Variants in KIF5C observed in about 807,000 individuals in gnomAD.
KIF5C encodes kinesin heavy chain isoform 5C.
A neutral mutation model predicts 125.2 loss-of-function variants in KIF5C; 18 were observed. That is an observed-to-expected ratio of 0.14 (90% CI 0.10 to 0.21). The LOEUF is 0.21. KIF5C is among the 10% of genes least tolerant of loss of function. The pLI is 1.00. For missense variants in KIF5C, 780 were observed against 1,183.8 expected (o/e 0.66, Z 5.01); for synonymous variants, 405 against 434.0 (o/e 0.93, Z 0.83).
chr2:148,981,075 TTTGAG>T (rs1271536917), intron 13 of KIF5C, among the ~76,000 whole-genome samples: 6 of 152,192 alleles, frequency 3.9e-5, no homozygotes, highest in Admixed American at 3.3e-4. Context: ...TAATTCTTTC[TTTGAG>T]TTAAGGGTAT....
chr2:148,891,778 A>T (rs889766164), intron 1 of KIF5C, among the ~76,000 whole-genome samples: 1 of 151,854 alleles, frequency 6.6e-6, no homozygotes, highest in Non-Finnish European at 1.5e-5. Flanking sequence ...GCTCACTGCA[A>T]CCTCCACCTC....
intron 25 of KIF5C, among the ~76,000 whole-genome samples, chr2:149,021,528 C>T (rs1287239963): frequency 6.6e-6 from 1 of 151,814 alleles, no homozygotes; most frequent in African/African-American, 2.4e-5. Context: ...AACTTACATC[C>T]TGCTGATTTA....
In KIF5C at chr2:149,024,897, C is replaced by G. The variant is rs1181689143; in HGVS notation, c.*1827C>G. On this transcript the variant is annotated 3_prime_UTR_variant, in exon 26 of 26. Coordinates refer to ENST00000435030, the MANE Select transcript of KIF5C (RefSeq NM_004522.3). ...TTTTGCAAAGCTTATCAGGTAATAA[C>G]ATATGCCACATAACCTTGTTGATAT... 1.3e-5 allele frequency: 2 copies of G among 152,432 alleles called. No individual in the cohort carries two copies. The highest frequency in any genetic ancestry group is 4.8e-5 in the African/African-American group (2 of 41,410). The allele number at this position is 152,432 out of a possible 1,614,324, so 9.4% of individuals were successfully genotyped here.
chr2:148,980,161 C>T (rs1051360343), intron 13 of KIF5C, among the ~76,000 whole-genome samples: 10 of 152,288 alleles, frequency 6.6e-5, no homozygotes, highest in African/African-American at 2.4e-4. Context: ...ATTACCTCCC[C>T]TGCCCAAACA....
chr2:148,987,680 C>T (rs576165266), intron 15 of KIF5C, among the ~76,000 whole-genome samples: 17 of 151,976 alleles, frequency 1.1e-4, no homozygotes, highest in East Asian at 7.7e-4. Flanking sequence ...TTCAGTCATT[C>T]GGGGGGTTAG....
intron 25 of KIF5C, among the ~76,000 whole-genome samples, chr2:149,013,304 C>T (rs1370267701): frequency 6.6e-6 from 1 of 152,164 alleles, no homozygotes; most frequent in African/African-American, 2.4e-5. Context: ...CAGTTTCAGC[C>T]ATCATGCCTA....
At chr2:148,991,830 C>T (rs568254537) in intron 16 of KIF5C, among the ~76,000 whole-genome samples, 8 of 152,132 alleles carry the variant, frequency 5.3e-5, no homozygotes, top group Non-Finnish European at 1.0e-4. Context: ...TTTTCAAGCC[C>T]GAGGGTACAT....
chr2:149,000,121 CTG>C (rs1317203707), intron 19 of KIF5C: 1 of 270,948 alleles, frequency 3.7e-6, no homozygotes, highest in Non-Finnish European at 6.8e-6. Context: ...CATGGGCTCT[CTG>C]TTTTAAAATA....
chr2:148,946,544 G>A (rs111757663), intron 7 of KIF5C, among the ~76,000 whole-genome samples: 190 of 152,264 alleles, frequency 1.2e-3, no homozygotes, highest in African/African-American at 4.2e-3. Flanking sequence ...GAAGTCTGAG[G>A]AATTTAAAGT....
In KIF5C at chr2:148,981,225, C is replaced by T. The variant is rs35917197; in HGVS notation, c.1363-130C>T. 27,448 of 1,340,388 alleles carry T rather than the reference C, an allele frequency of 0.02. 335 individuals are homozygous for T. Among genetic ancestry groups the T allele is most frequent in the Non-Finnish European group, 0.024 (24,319 of 1,012,350 alleles). 83.0% of individuals were successfully genotyped at this position (1,340,388 alleles called of 1,614,324 possible). A position where few individuals can be genotyped will look rare whatever the true frequency, so the allele number is the denominator to read the frequency against. On this transcript the variant is annotated intron_variant, in intron 13 of 25. Coordinates refer to ENST00000435030, the MANE Select transcript of KIF5C (RefSeq NM_004522.3). The stretch of plus-strand genomic sequence containing the variant: ...TCGTCTGGACCATACAGTGGGGTTT[C>T]CCATCATCCTGAACTTTTTCAACTT...
chr2:148,894,000 G>GCA (rs370218411), intron 1 of KIF5C, among the ~76,000 whole-genome samples: 1,875 of 151,884 alleles, frequency 0.012, 35 homozygotes, highest in African/African-American at 0.043. Flanking sequence ...GGATAGAAGT[G>GCA]CACACACACA....
intron 25 of KIF5C, among the ~76,000 whole-genome samples, chr2:149,015,999 G>A (rs1682345623): frequency 6.6e-6 from 1 of 152,124 alleles, no homozygotes; most frequent in Admixed American, 6.5e-5. Context: ...TAGAAGAGGG[G>A]GTGACATTTA....
At chr2:148,945,778 T>A (rs1440022088) in intron 7 of KIF5C, among the ~76,000 whole-genome samples, 1 of 152,158 alleles carries the variant, frequency 6.6e-6, no homozygotes, top group Non-Finnish European at 1.5e-5. Context: ...CTGTTCTTAT[T>A]TTTCAAGATT....
chr2:148,890,488 A>G (rs1681676572), intron 1 of KIF5C, among the ~76,000 whole-genome samples: 2 of 152,098 alleles, frequency 1.3e-5, no homozygotes. Flanking sequence ...GCAACAGAGC[A>G]AGACCCTGAC....
intron 15 of KIF5C, among the ~76,000 whole-genome samples, chr2:148,984,348 C>T (rs780121292): frequency 6.6e-6 from 1 of 152,226 alleles, no homozygotes; most frequent in Non-Finnish European, 1.5e-5. Flanking sequence ...TGCACTTTAA[C>T]AAGATTCTCC....
chr2:149,009,597 A>G (rs948946166), intron 23 of KIF5C, among the ~76,000 whole-genome samples: 8 of 152,118 alleles, frequency 5.3e-5, no homozygotes, highest in African/African-American at 9.7e-5. Context: ...TGCTTCTTCA[A>G]TCAGCAAAAA....
Position 149,011,694 on chromosome 2 carries a change from T to C in KIF5C, c.*7+11T>C. 6.2e-7 allele frequency: 1 copy of C among 1,613,936 alleles called. No homozygotes were observed. The highest frequency in any genetic ancestry group is 8.5e-7 in the Non-Finnish European group (1 of 1,179,854). On this transcript the variant is annotated intron_variant, in intron 25 of 25. Coordinates refer to ENST00000435030, the MANE Select transcript of KIF5C (RefSeq NM_004522.3). ...AGAAATAAATACAAAGTGAGTCCCA[T>C]GTCAAGGGTGGTTTCTCTATCTGGA... is the stretch of plus-strand genomic sequence containing the variant.
At chr2:148,925,611 C>G (rs1681960567) in intron 2 of KIF5C, among the ~76,000 whole-genome samples, 1 of 152,162 alleles carries the variant, frequency 6.6e-6, no homozygotes, top group African/African-American at 2.4e-5. Flanking sequence ...CTGGGCTTGT[C>G]AGACTGACTG....
At chr2:148,905,230 G>T (rs998019240) in intron 1 of KIF5C, among the ~76,000 whole-genome samples, 1 of 152,150 alleles carries the variant, frequency 6.6e-6, no homozygotes, top group African/African-American at 2.4e-5. Context: ...ATGGTACATG[G>T]TTATGACAAA....
Sources: gnomAD v4.1 joint callset for allele counts (sites outside exome capture counted in the v4.1 genomes callset) on GRCh38, gnomAD v4.1.1 for gene constraint, MANE v1.5 for transcripts, NCBI Gene and HGNC (gene_info 2026-07-23, HGNC 2026-07-21) for gene names.